The following CECR2 variants were observed in gnomAD, a reference collection of about 807,000 sequenced individuals.
CECR2 encodes the protein chromatin remodeling regulator CECR2.
CECR2 carries 30 observed loss-of-function variants against 154.5 expected under a neutral mutation model. The observed-to-expected ratio is 0.19, with a 90% CI of 0.15 to 0.26. The LOEUF (loss-of-function observed/expected upper bound fraction) is 0.26. Among genes scored for constraint, CECR2 ranks in the 10% least tolerant of loss-of-function variants. The probability of loss-of-function intolerance (pLI) is 1.00; values close to 1 mark genes in which losing one functional copy is unlikely to be tolerated. For missense variants in CECR2, 1,743 were observed against 1,829.3 expected, an observed-to-expected ratio of 0.95 and a Z score of 0.86; for synonymous variants, 725 against 683.7, an observed-to-expected ratio of 1.06 and a Z score of -0.94.
chr22:17,366,093 T>G (rs2063000585), upstream of CECR2, among the ~76,000 whole-genome samples: 1 of 152,212 alleles, frequency 6.6e-6, no homozygotes, highest in Non-Finnish European at 1.5e-5. Context: ...AAAGAATTAC[T>G]TCTTGCTACT....
intron 1 of CECR2, among the ~76,000 whole-genome samples, chr22:17,445,083 G>A (rs5747151): frequency 0.28 from 43,221 of 152,022 alleles, 8,513 homozygotes; most frequent in East Asian, 0.54. Context: ...GAATACTATA[G>A]TACATATTCA....
At chr22:17,540,018 A>G (rs2056497022) in intron 13 of CECR2, among the ~76,000 whole-genome samples, 3 of 152,098 alleles carry the variant, frequency 2.0e-5, no homozygotes, top group Non-Finnish European at 4.4e-5. Context: ...TTTGGTAGGG[A>G]CGGGTGTCTC....
chr22:17,487,269 T>C lies in CECR2; in HGVS notation c.221+9587T>C, dbSNP rs553836406. Among the ~76,000 whole-genome samples the C allele has an allele frequency of 2.6e-5, 4 of 152,324 alleles. No individual in the cohort carries two copies. The South Asian group carries it at 6.2e-4, about 24-fold the overall frequency. On this transcript the variant is annotated intron_variant, in intron 2 of 18. Transcript: ENST00000262608. ...TTAACTAGTGGCTCTTTCAGCACTT[T>C]TGTTTTCCACTGGGAAGTAACCTGG...
chr22:17,548,128 CTT>C lies in CECR2; in HGVS notation c.2861-6_2861-5del, dbSNP rs695573. On this transcript the variant is annotated intron_variant, in intron 16 of 18. Transcript: ENST00000262608. Reference sequence around the variant, plus strand: ...CAGCTACTGAGTTATTTTTTCTCCTCTTTTTTTTTTTTTTTGCAGCAGAGCCG... The same window carrying C: ...CAGCTACTGAGTTATTTTTTCTCCTCTTTTTTTTTTTTTGCAGCAGAGCCG... The C allele has an allele frequency of 0.04, 53,041 of 1,310,164 alleles. No individual in the cohort carries two copies. Among genetic ancestry groups the C allele is most frequent in the South Asian group, 0.055 (3,629 of 65,840 alleles). The allele number at this position is 1,310,164 out of a possible 1,614,324, so 81.2% of individuals were successfully genotyped here.
chr22:17,502,940 C>G (rs1219441029), intron 5 of CECR2, 142 bp from the exon 6 acceptor site: 2 of 654,550 alleles, frequency 3.1e-6, no homozygotes, highest in Non-Finnish European at 5.4e-6. Context: ...ATTCAGCGTT[C>G]CGCCTCCAAG....
chr22:17,483,584 G>A (rs1364117142), intron 2 of CECR2, among the ~76,000 whole-genome samples: 2 of 151,988 alleles, frequency 1.3e-5, no homozygotes, highest in Non-Finnish European at 2.9e-5. Context: ...TCTAGCTGTG[G>A]CTACAGAGCA....
intron 1 of CECR2, among the ~76,000 whole-genome samples, chr22:17,364,043 T>C (rs1171577554): frequency 6.6e-6 from 1 of 152,018 alleles, no homozygotes; most frequent in Non-Finnish European, 1.5e-5. Flanking sequence ...TGAAGGGTTG[T>C]CAAGAATTTG....
rs1189435266 is a variant in CECR2 at position 17,549,394 on chromosome 22, C to G, written c.4107C>G (p.Ala1369=). 1.2e-6 allele frequency: 2 copies of G among 1,613,758 alleles called. No homozygotes were observed. Among genetic ancestry groups the G allele is most frequent in the Admixed American group, 3.3e-5 (2 of 59,978 alleles). The stretch of plus-strand genomic sequence containing the variant: ...GGGCTTACTCTTCCCCTGTGGCTGC[C>G]CTCCCACCTCACCACCCAGGGGCCA... ...QPRAYSSPVA[A]LPPHHPGATQ... is the part of the protein sequence containing the mutation. Residue 1369 remains alanine (A), a synonymous_variant, in exon 17 of 19, where the codon GCC becomes GCG. Coordinates refer to ENST00000262608, the MANE Select transcript of CECR2 (RefSeq NM_001290047.2).
chr22:17,453,775 T>C (rs1201176143), intron 1 of CECR2, among the ~76,000 whole-genome samples: 1 of 152,166 alleles, frequency 6.6e-6, no homozygotes, highest in African/African-American at 2.4e-5. Flanking sequence ...TTTAAATGAG[T>C]GAAGGTCATG....
intron 1 of CECR2, among the ~76,000 whole-genome samples, chr22:17,476,127 G>A (rs1601420350): frequency 6.7e-6 from 1 of 149,496 alleles, no homozygotes; most frequent in African/African-American, 2.5e-5. Flanking sequence ...CCTGCACCTG[G>A]TCATGCCCTG....
intron 1 of CECR2, among the ~76,000 whole-genome samples, chr22:17,471,638 C>A (rs1237884024): frequency 6.6e-6 from 1 of 151,948 alleles, no homozygotes; most frequent in East Asian, 1.9e-4. Flanking sequence ...CGGGTTCAGG[C>A]GATTCTCCTG....
At chr22:17,437,589 A>G (rs1430825481) in intron 1 of CECR2, among the ~76,000 whole-genome samples, 1 of 152,170 alleles carries the variant, frequency 6.6e-6, no homozygotes, top group Non-Finnish European at 1.5e-5. Flanking sequence ...AGGACCTGAA[A>G]TAGATTTTTC....
chr22:17,386,401 G>GT (rs2063261508), intron 1 of CECR2, among the ~76,000 whole-genome samples: 1 of 152,180 alleles, frequency 6.6e-6, no homozygotes, highest in South Asian at 2.1e-4. Context: ...TATAGCGATT[G>GT]TAACAAGAAG....
intron 1 of CECR2, among the ~76,000 whole-genome samples, chr22:17,439,193 T>TA (rs1740643283): frequency 6.6e-6 from 1 of 151,298 alleles, no homozygotes; most frequent in Non-Finnish European, 1.5e-5. Flanking sequence ...GGATGTTCCG[T>TA]ATAGCTAGTA....
At chr22:17,523,552 C>G (rs1032624176) in intron 8 of CECR2, among the ~76,000 whole-genome samples, 1 of 151,820 alleles carries the variant, frequency 6.6e-6, no homozygotes, top group African/African-American at 2.4e-5. Context: ...GTCAGGAGAT[C>G]AAGACCATCC....
upstream of CECR2, among the ~76,000 whole-genome samples, chr22:17,368,920 C>T (rs1288501304): frequency 6.6e-6 from 1 of 152,138 alleles, no homozygotes; most frequent in Non-Finnish European, 1.5e-5. Context: ...GAGAAAAAAG[C>T]CACTTCAGAG....
intron 1 of CECR2, among the ~76,000 whole-genome samples, chr22:17,466,598 C>CCTTTTT (rs555359003): frequency 2.6e-4 from 37 of 140,214 alleles, no homozygotes; most frequent in Middle Eastern, 7.6e-3. Flanking sequence ...AAAACCTTGC[C>CCTTTTT]TTTTTTTTTT....
chr22:17,456,324 A>G (rs114580684), intron 1 of CECR2, among the ~76,000 whole-genome samples: 1,923 of 152,170 alleles, frequency 0.013, 32 homozygotes, highest in African/African-American at 0.044. Flanking sequence ...TTTTCTGGCC[A>G]TCTTGGTTCC....
chr22:17,502,056 A>C (rs1441052849), intron 5 of CECR2, among the ~76,000 whole-genome samples: 3 of 152,206 alleles, frequency 2.0e-5, no homozygotes, highest in Non-Finnish European at 2.9e-5. Flanking sequence ...TTTAATCGAA[A>C]ACAAGCGAAA....
Sources: allele counts gnomAD v4.1 joint callset (sites outside exome capture counted in the v4.1 genomes callset), GRCh38; gene constraint gnomAD v4.1.1; transcripts MANE v1.5; gene names NCBI Gene and HGNC (gene_info 2026-07-23, HGNC 2026-07-21).